The following NR1H4 variants were observed in gnomAD, a reference collection of about 807,000 sequenced individuals.
NR1H4 encodes bile acid receptor.
In NR1H4, 23 loss-of-function variants were observed where a neutral mutation model predicts 58.5. The ratio of observed to expected loss-of-function variants is 0.39; its 90% confidence interval spans 0.28 to 0.56. NR1H4 has a LOEUF of 0.56. NR1H4 is among the 20% of genes least tolerant of loss of function. The probability of loss-of-function intolerance (pLI) is 0.58; values close to 1 mark genes in which losing one functional copy is unlikely to be tolerated. For synonymous variants in NR1H4, 214 were observed against 198.0 expected (o/e 1.08, Z -0.68); for missense variants, 487 against 576.9 (o/e 0.84, Z 1.60).
intron 9 of NR1H4, 21 bp from the exon 10 acceptor site, chr12:100,561,864 G>T (rs1347425399): frequency 2.1e-6 from 2 of 968,988 alleles, no homozygotes; most frequent in Non-Finnish European, 3.4e-6. Flanking sequence ...ATTGTATTAT[G>T]ATTGCAACTT....
chr12:100,487,801 G>A (rs1218081342), intron 1 of NR1H4, among the ~76,000 whole-genome samples: 4 of 151,340 alleles, frequency 2.6e-5, no homozygotes, highest in Admixed American at 6.6e-5. Context: ...TAGTAAAGAC[G>A]GGGTTTCACC....
intron 4 of NR1H4, among the ~76,000 whole-genome samples, chr12:100,516,589 A>G (rs887895323): frequency 6.6e-6 from 1 of 152,050 alleles, no homozygotes; most frequent in African/African-American, 2.4e-5. Context: ...AATGATCTCC[A>G]TCTCCTGACC....
At chr12:100,513,162 AT>A (rs1011067906) in intron 4 of NR1H4, among the ~76,000 whole-genome samples, 22 of 152,170 alleles carry the variant, frequency 1.4e-4, no homozygotes, top group African/African-American at 5.1e-4. Context: ...GGAAGCATAG[AT>A]TAAGTCTTCT....
chr12:100,496,541 C>T (rs940452099), intron 3 of NR1H4, among the ~76,000 whole-genome samples: 2 of 152,180 alleles, frequency 1.3e-5, no homozygotes, highest in African/African-American at 4.8e-5. Flanking sequence ...ACCAGCTGTG[C>T]AGCCTTGAAC....
intron 3 of NR1H4, among the ~76,000 whole-genome samples, chr12:100,498,745 G>T (rs1172909056): frequency 6.6e-6 from 1 of 152,106 alleles, no homozygotes; most frequent in Admixed American, 6.6e-5. Context: ...TCCACGTCTT[G>T]TATTGCTTTT....
intron 5 of NR1H4, among the ~76,000 whole-genome samples, chr12:100,533,536 A>G (rs1343576582): frequency 2.0e-5 from 3 of 152,200 alleles, no homozygotes; most frequent in Non-Finnish European, 4.4e-5. Flanking sequence ...GCTGATCACA[A>G]TCTCATCTTA....
chr12:100,547,928 G>A (rs1319828853), intron 9 of NR1H4, among the ~76,000 whole-genome samples: 2 of 150,990 alleles, frequency 1.3e-5, no homozygotes, highest in South Asian at 2.1e-4. Context: ...TACCATGTTA[G>A]CCAGGATGGT....
At chr12:100,515,332 C>T (rs938089498) in intron 4 of NR1H4, among the ~76,000 whole-genome samples, 7 of 151,994 alleles carry the variant, frequency 4.6e-5, no homozygotes, top group Non-Finnish European at 1.5e-5. Flanking sequence ...CCACTATGCC[C>T]AGCTAATTTT....
intron 4 of NR1H4, among the ~76,000 whole-genome samples, chr12:100,520,805 G>A (rs1202516065): frequency 6.6e-6 from 1 of 152,140 alleles, no homozygotes; most frequent in Non-Finnish European, 1.5e-5. Flanking sequence ...TATCCACCAT[G>A]TTAGCTGCGA....
intron 4 of NR1H4, among the ~76,000 whole-genome samples, chr12:100,522,656 A>G (rs1204866717): frequency 6.6e-6 from 1 of 152,014 alleles, no homozygotes; most frequent in Non-Finnish European, 1.5e-5. Context: ...TGTACCTGTC[A>G]CCAGAGTGTA....
intron 3 of NR1H4, among the ~76,000 whole-genome samples, chr12:100,506,978 C>T (rs1711779551): frequency 6.6e-6 from 1 of 152,136 alleles, no homozygotes; most frequent in African/African-American, 2.4e-5. Context: ...ACTTGGGACT[C>T]CTTTGTATTT....
chr12:100,493,078 G>A (rs1259686497), intron 2 of NR1H4, among the ~76,000 whole-genome samples, 192 bp from the exon 3 acceptor site: 2 of 151,958 alleles, frequency 1.3e-5, no homozygotes, highest in Non-Finnish European at 2.9e-5. Flanking sequence ...CGTATCTTGG[G>A]CATTTTTAGG....
intron 4 of NR1H4, among the ~76,000 whole-genome samples, chr12:100,521,469 A>G (rs1230197729): frequency 6.6e-6 from 1 of 152,222 alleles, no homozygotes; most frequent in African/African-American, 2.4e-5. Flanking sequence ...AACAAAACTG[A>G]TCAGCATCTA....
In NR1H4 at chr12:100,492,327, A is replaced by T. The variant is rs756579899; in HGVS notation, c.-189-176A>T. 7.9e-5 allele frequency among the ~76,000 whole-genome samples: 12 copies of T among 152,160 alleles called. No individual in the cohort carries two copies. The South Asian group carries it at 1.7e-3, about 21-fold the overall frequency. ...CATACTTATCCAAAAAACCCACTAT[A>T]TCCTCTTCCTGGGCAGCAAATATAG... is the stretch of plus-strand genomic sequence containing the variant. On this transcript the variant is annotated intron_variant, in intron 1 of 10. Transcript: ENST00000392986.
Position 100,563,445 on chromosome 12 carries a change from C to A in NR1H4, c.1387C>A (p.His463Asn), listed in dbSNP as rs1168662981. 5 of 1,613,980 alleles carry A rather than the reference C, an allele frequency of 3.1e-6. No homozygotes were observed. The highest frequency in any genetic ancestry group is 1.7e-5 in the Admixed American group (1 of 60,002). Residue 463 changes from histidine (H) to asparagine (N), a missense_variant, in exon 11 of 11, where the codon CAC becomes AAC. Transcript: ENST00000392986. ...EMLMSWRVNDHKFTPLLCEIW... is the reference protein window; with the variant it reads ...EMLMSWRVNDNKFTPLLCEIW... ...GCTGATGTCATGGAGAGTAAACGAC[C>A]ACAAGTTTACCCCACTTCTCTGTGA... is the stretch of plus-strand genomic sequence containing the variant.
At chr12:100,540,622 A>G in intron 8 of NR1H4, 50 bp from the exon 9 acceptor site, 2 of 1,587,206 alleles carry the variant, frequency 1.3e-6, no homozygotes, top group Non-Finnish European at 1.7e-6. Flanking sequence ...GATGGTGATC[A>G]TGAAATATTG....
At chr12:100,524,060 C>A (rs901118758) in intron 4 of NR1H4, among the ~76,000 whole-genome samples, 18 of 151,996 alleles carry the variant, frequency 1.2e-4, no homozygotes, top group Admixed American at 9.8e-4. Flanking sequence ...ACTGACATTT[C>A]ACATAAACAT....
chr12:100,506,374 G>A (rs887881724), intron 3 of NR1H4, among the ~76,000 whole-genome samples: 12 of 152,168 alleles, frequency 7.9e-5, no homozygotes, highest in Non-Finnish European at 1.5e-4. Flanking sequence ...AGTTGTTCTA[G>A]TCCAACCATT....
chr12:100,509,542 A>G (rs1164196311), intron 3 of NR1H4, among the ~76,000 whole-genome samples: 2 of 152,206 alleles, frequency 1.3e-5, no homozygotes, highest in African/African-American at 4.8e-5. Flanking sequence ...CACTTGGCAC[A>G]CATTATCTCA....
Sources: allele counts gnomAD v4.1 joint callset (sites outside exome capture counted in the v4.1 genomes callset), GRCh38; gene constraint gnomAD v4.1.1; transcripts MANE v1.5; gene names NCBI Gene and HGNC (gene_info 2026-07-23, HGNC 2026-07-21).